NELFA: variants seen among roughly 807,000 people sequenced by gnomAD.
The protein encoded by NELFA is negative elongation factor A.
A neutral mutation model predicts 51.8 loss-of-function variants in NELFA; 35 were observed. The observed-to-expected ratio is 0.68, with a 90% CI of 0.52 to 0.90. NELFA has a LOEUF of 0.90. NELFA is among the 40% of genes least tolerant of loss of function. The pLI is 0.00. For synonymous variants in NELFA, 417 were observed against 338.4 expected (o/e 1.23, Z -2.55); for missense variants, 658 against 746.4 (o/e 0.88, Z 1.38).
intron 6 of NELFA, 85 bp from the exon 7 acceptor site, chr4:1,985,949 C>G: frequency 1.4e-6 from 2 of 1,379,494 alleles, no homozygotes; most frequent in Non-Finnish European, 2.0e-6. Context: ...CAAACAGCTT[C>G]CCAGGGGAGG....
chr4:1,983,820 C>G (rs1727986025), intron 9 of NELFA, 28 bp downstream of exon 9: 2 of 1,569,924 alleles, frequency 1.3e-6, no homozygotes, highest in African/African-American at 2.7e-5. Context: ...TACCTGGTGG[C>G]CTGTGGGCCC....
At chr4:1,985,155 G>A (rs1038156112) in intron 7 of NELFA, among the ~76,000 whole-genome samples, 9 of 152,138 alleles carry the variant, frequency 5.9e-5, no homozygotes, top group African/African-American at 2.2e-4. Flanking sequence ...GGGTTGAGGA[G>A]CCCAAACAGC....
In NELFA at chr4:1,991,865, C is replaced by G. The variant is rs1728278378; in HGVS notation, c.211-150G>C. On this transcript the variant is annotated intron_variant, in intron 1 of 10. Coordinates refer to ENST00000382882, the MANE Select transcript of NELFA (RefSeq NM_005663.5). ...TCCTGAGGGCTCCCCTTCCTCTGAG[C>G]CCCCCGCCTCACCCCAGGGCCACCT... The G allele has an allele frequency of 5.3e-6, 4 of 757,704 alleles. No homozygotes were observed. In the Admixed American group the frequency reaches 9.3e-5, roughly 18 times the overall value. The allele number at this position is 757,704 out of a possible 1,614,324, so 46.9% of individuals were successfully genotyped here. A position where few individuals can be genotyped will look rare whatever the true frequency, so the allele number is the denominator to read the frequency against.
chr4:2,006,574 G>C (rs899534965), intron 1 of NELFA, among the ~76,000 whole-genome samples: 1 of 152,082 alleles, frequency 6.6e-6, no homozygotes. Context: ...TTCAAGACCA[G>C]CCTGGGCAAT....
chr4:1,999,261 C>G (rs183341679), intron 1 of NELFA, among the ~76,000 whole-genome samples: 30 of 151,064 alleles, frequency 2.0e-4, no homozygotes, highest in Admixed American at 6.7e-4. Context: ...AACCAGATAC[C>G]ATCATGATTA....
At chr4:1,992,895 G>A (rs1049091054) in intron 1 of NELFA, among the ~76,000 whole-genome samples, 2 of 152,200 alleles carry the variant, frequency 1.3e-5, no homozygotes, top group African/African-American at 2.4e-5. Flanking sequence ...CCCCCCGCGT[G>A]GCCCAGCCCC....
chr4:1,995,046 A>G (rs1292173690), intron 1 of NELFA, among the ~76,000 whole-genome samples: 1 of 152,222 alleles, frequency 6.6e-6, no homozygotes, highest in Non-Finnish European at 1.5e-5. Flanking sequence ...ATGTTTCTAC[A>G]TAAGACTAAC....
rs1728157468 is a variant in NELFA, at chr4:1,987,924, T to C, written c.628A>G (p.Thr210Ala). ...ACCAGGGTGGGGGCCTTACTGGTGGTGTCCATCTTCCGCAGCAGCCCCCGG... is the reference window on the plus strand; with the variant it reads ...ACCAGGGTGGGGGCCTTACTGGTGGCGTCCATCTTCCGCAGCAGCCCCCGG... Reference protein sequence around the residue: ...KGRGLLRKMDTTTPLKGIPKQ... With the variant: ...KGRGLLRKMDATTPLKGIPKQ... The change falls in exon 4 of 11, where the codon ACC becomes GCC. Residue 210 changes from threonine (T) to alanine (A), a missense_variant. By Grantham distance (58) the Thr-to-Ala change is moderately conservative. Transcript: ENST00000382882. 6.2e-7 allele frequency: 1 copy of C among 1,605,418 alleles called. No individual in the cohort carries two copies. Among genetic ancestry groups the C allele is most frequent in the Non-Finnish European group, 8.5e-7 (1 of 1,177,422 alleles).
At chr4:2,003,255 T>G (rs756477263) in intron 1 of NELFA, among the ~76,000 whole-genome samples, 1 of 151,984 alleles carries the variant, frequency 6.6e-6, no homozygotes, top group Non-Finnish European at 1.5e-5. Context: ...TGTGGAGAAA[T>G]AGGAAGGCTT....
Position 1,998,896 on chromosome 4 carries a change from A to T in NELFA, c.211-7181T>A, listed in dbSNP as rs191215952. On this transcript the variant is annotated intron_variant, in intron 1 of 10. Coordinates refer to ENST00000382882, the MANE Select transcript of NELFA (RefSeq NM_005663.5). ...GAAAAACTGTTCAGAGCAGCCAGAG[A>T]GAAAGGCCAGGTCACCTACAAAGGG... 5.6e-4 allele frequency among the ~76,000 whole-genome samples: 86 copies of T among 152,282 alleles called. 1 individual carries two copies. The highest frequency in any genetic ancestry group is 5.2e-3 in the Admixed American group (79 of 15,286).
chr4:1,983,745 C>T (rs1727981151), intron 9 of NELFA, 50 bp from the exon 10 acceptor site: 2 of 1,607,416 alleles, frequency 1.2e-6, no homozygotes, highest in African/African-American at 2.7e-5. Context: ...AGGACCACCT[C>T]CTGCATCCCC....
Position 1,983,438 on chromosome 4 carries a change from G to C in NELFA, c.1468C>G (p.Pro490Ala). The C allele has an allele frequency of 6.2e-7, 1 of 1,614,194 alleles. No homozygotes were observed. Among genetic ancestry groups the C allele is most frequent in the Non-Finnish European group, 8.5e-7 (1 of 1,180,022 alleles). ...GTGCTACCCTGGCCGTCCGCCTTGGGCAGGTCCTCCGTGTGCTCGCTCAGC... is the reference window on the plus strand; with the variant it reads ...GTGCTACCCTGGCCGTCCGCCTTGGCCAGGTCCTCCGTGTGCTCGCTCAGC... ...IKLSEHTEDL[P>A]KADGQGSTTM... is the part of the protein sequence containing the mutation. Residue 490 changes from proline (P) to alanine (A), a missense_variant, in exon 11 of 11, where the codon CCC becomes GCC. Pro to Ala is a conservative substitution (Grantham distance 27, BLOSUM62 -1). Around this residue, in one of 3 missense-constraint regions of NELFA, gnomAD observed 87 missense variants for 130.2 expected, o/e 0.67. Coordinates refer to ENST00000382882, the MANE Select transcript of NELFA (RefSeq NM_005663.5).
chr4:2,003,234 G>A (rs1238179976), intron 1 of NELFA, among the ~76,000 whole-genome samples: 1 of 152,178 alleles, frequency 6.6e-6, no homozygotes, highest in East Asian at 1.9e-4. Flanking sequence ...AACAATAGAT[G>A]CTAGCGAGGC....
Position 1,987,063 on chromosome 4 carries a change from G to A in NELFA, c.635-661C>T, listed in dbSNP as rs559347250. ...CAAGGTGGAACCTCGGCTGCGGTGG[G>A]CAGGAACATGACCCAGGGACGGCCC... is the stretch of plus-strand genomic sequence containing the variant. On this transcript the variant is annotated intron_variant, in intron 4 of 10. Transcript: ENST00000382882. Among the ~76,000 whole-genome samples, 10 of 152,230 alleles carry A rather than the reference G, an allele frequency of 6.6e-5. No individual in the cohort carries two copies. The South Asian group carries it at 1.7e-3, about 25-fold the overall frequency.
chr4:1,999,468 GCAAA>G (rs1310431859), intron 1 of NELFA, among the ~76,000 whole-genome samples: 1 of 151,900 alleles, frequency 6.6e-6, no homozygotes, highest in Non-Finnish European at 1.5e-5. Context: ...CAAATGGAAA[GCAAA>G]CAAAAAGACA....
chr4:2,000,127 TAAG>T (rs1170160205), intron 1 of NELFA, among the ~76,000 whole-genome samples: 1 of 152,130 alleles, frequency 6.6e-6, no homozygotes. Flanking sequence ...AAAGCAGTGT[TAAG>T]AGGGAAATTT....
intron 7 of NELFA, among the ~76,000 whole-genome samples, chr4:1,985,240 G>A (rs1279552404): frequency 6.6e-6 from 1 of 152,236 alleles, no homozygotes; most frequent in Non-Finnish European, 1.5e-5. Context: ...CTCATGTTAA[G>A]AAACACAGAA....
In NELFA at chr4:2,008,605, C is replaced by A. The variant is rs1293624874; in HGVS notation, c.210+145G>T. 1.2e-5 allele frequency: 9 copies of A among 771,524 alleles called. No individual in the cohort carries two copies. The African/African-American group carries it at 2.5e-4, about 21-fold the overall frequency. The allele number at this position is 771,524 out of a possible 1,614,324, so 47.8% of individuals were successfully genotyped here. On this transcript the variant is annotated intron_variant, in intron 1 of 10. Coordinates refer to ENST00000382882, the MANE Select transcript of NELFA (RefSeq NM_005663.5). ...GGTATTCGGAGGAGCGAGGAGGGGGCGTGAGGGCGGGCCGGGGGGGTTAAC... is the reference window on the plus strand; with the variant it reads ...GGTATTCGGAGGAGCGAGGAGGGGGAGTGAGGGCGGGCCGGGGGGGTTAAC...
At chr4:1,984,365 C>A (rs536290906) in intron 8 of NELFA, among the ~76,000 whole-genome samples, 5 of 152,286 alleles carry the variant, frequency 3.3e-5, no homozygotes, top group African/African-American at 1.2e-4. Flanking sequence ...TGCAGCAGGT[C>A]CCCATACCGT....
Sources: gnomAD v4.1 joint callset for allele counts (sites outside exome capture counted in the v4.1 genomes callset) on GRCh38, gnomAD v4.1.1 for gene constraint, gnomAD v4.1.1 regional missense constraint, MANE v1.5 for transcripts, NCBI Gene and HGNC (gene_info 2026-07-23, HGNC 2026-07-21) for gene names.